Variants in GRAMD1C observed in about 807,000 individuals in gnomAD.
GRAMD1C encodes GRAM domain containing 1C, also known as protein Aster-C.
In GRAMD1C, 89 loss-of-function variants were observed where a neutral mutation model predicts 97.8. The observed-to-expected ratio is 0.91, with a 90% confidence interval of 0.77 to 1.09. The LOEUF is 1.09. Ranked by LOEUF, GRAMD1C falls within the 50% of genes least tolerant of loss-of-function variation. The pLI, the probability that GRAMD1C is intolerant of heterozygous loss-of-function variation, is 0.00. For missense variants in GRAMD1C, 740 were observed against 766.4 expected (o/e 0.97, Z 0.41); for synonymous variants, 256 against 267.0 (o/e 0.96, Z 0.40).
At position 113,905,807 on chromosome 3, in the gene GRAMD1C, T is replaced by C. The variant is rs370539685; in HGVS notation, c.789+1535T>C. The stretch of plus-strand genomic sequence containing the variant: ...GCCTCCTGGGTTCAAGCAATTCTTC[T>C]GGCTCAGCCTCCTGAGTAGCTGGGA... On this transcript the variant is annotated intron_variant, in intron 8 of 17. Coordinates refer to ENST00000358160, the MANE Select transcript of GRAMD1C (RefSeq NM_017577.5). 2.6e-5 allele frequency among the ~76,000 whole-genome samples: 4 copies of C among 152,154 alleles called. No individual in the cohort carries two copies. The South Asian group carries it at 8.3e-4, about 32-fold the overall frequency.
intron 6 of GRAMD1C, among the ~76,000 whole-genome samples, chr3:113,884,567 T>C (rs1024492664): frequency 2.0e-5 from 3 of 152,174 alleles, no homozygotes; most frequent in Non-Finnish European, 4.4e-5. Flanking sequence ...GCGCGGTGGC[T>C]CACACCTGTA....
intron 5 of GRAMD1C, among the ~76,000 whole-genome samples, 190 bp downstream of exon 5, chr3:113,876,450 CTTTATAG>C (rs1935036691): frequency 6.6e-6 from 1 of 152,094 alleles, no homozygotes; most frequent in South Asian, 2.1e-4. Context: ...CTTTTTTGTA[CTTTATAG>C]TTTACAGATA....
At chr3:113,865,012 T>C (rs190333222) in intron 2 of GRAMD1C, among the ~76,000 whole-genome samples, 188 of 152,292 alleles carry the variant, frequency 1.2e-3, no homozygotes, top group Non-Finnish European at 1.9e-3. Flanking sequence ...AAAGGAGATT[T>C]ATTTGGCTCA....
At chr3:113,896,468 G>A (rs1415615445) in intron 6 of GRAMD1C, among the ~76,000 whole-genome samples, 2 of 152,072 alleles carry the variant, frequency 1.3e-5, no homozygotes, top group African/African-American at 2.4e-5. Flanking sequence ...GCCCTACATA[G>A]CAGTGGTTTG....
intron 8 of GRAMD1C, among the ~76,000 whole-genome samples, chr3:113,906,995 T>C (rs535010241): frequency 6.6e-6 from 1 of 152,286 alleles, no homozygotes; most frequent in Admixed American, 6.5e-5. Flanking sequence ...CCTGGGTGTG[T>C]AGTAAGCTAT....
chr3:113,886,010 T>A, intron 6 of GRAMD1C: 1 of 1,316,718 alleles, frequency 7.6e-7, no homozygotes. Flanking sequence ...GCCGAAACCT[T>A]CACCAACATC....
chr3:113,872,397 T>C lies in GRAMD1C; in HGVS notation c.259+2806T>C, dbSNP rs536795500. On this transcript the variant is annotated intron_variant, in intron 3 of 17. Transcript: ENST00000358160. Reference sequence around the variant, plus strand: ...CCACTTCATTCTTTTTTTTCTTTTTTTTTTTTTTTTTTTTTGAGATAGAGT... The same window carrying C: ...CCACTTCATTCTTTTTTTTCTTTTTCTTTTTTTTTTTTTTTGAGATAGAGT... Among the ~76,000 whole-genome samples the C allele has an allele frequency of 9.6e-4, 133 of 137,842 alleles. No individual in the cohort carries two copies. The Middle Eastern group carries it at 0.011, about 11-fold the overall frequency. 90.4% of individuals were successfully genotyped at this position (137,842 alleles called of 152,430 possible). A position where few individuals can be genotyped will look rare whatever the true frequency, so the allele number is the denominator to read the frequency against.
At chr3:113,845,126 G>A (rs941807180) in intron 2 of GRAMD1C, among the ~76,000 whole-genome samples, 10 of 152,158 alleles carry the variant, frequency 6.6e-5, no homozygotes, top group African/African-American at 1.7e-4. Context: ...GTGTTCATTC[G>A]GTTGTGTAAT....
intron 13 of GRAMD1C, among the ~76,000 whole-genome samples, 199 bp downstream of exon 13, chr3:113,934,734 C>A (rs2107373093): frequency 6.6e-6 from 1 of 152,170 alleles, no homozygotes; most frequent in Middle Eastern, 3.4e-3. Context: ...CAAACAAACA[C>A]TTATTTTTTT....
chr3:113,920,517 T>G (rs560444886), intron 10 of GRAMD1C, among the ~76,000 whole-genome samples: 70 of 152,242 alleles, frequency 4.6e-4, no homozygotes, highest in African/African-American at 1.6e-3. Context: ...GTGAGAAAAA[T>G]AAATAAAATT....
intron 3 of GRAMD1C, among the ~76,000 whole-genome samples, chr3:113,872,391 CTTTTTTTTT>C (rs777339692): frequency 8.5e-6 from 1 of 117,440 alleles, no homozygotes; most frequent in Admixed American, 8.5e-5. Context: ...TCTTTTTTTT[CTTTTTTTTT>C]TTTTTTTTTT....
chr3:113,931,213 A>T (rs115532129), intron 11 of GRAMD1C, among the ~76,000 whole-genome samples: 92 of 152,318 alleles, frequency 6.0e-4, no homozygotes, highest in African/African-American at 2.1e-3. Context: ...TTTAGAAGTC[A>T]TCTAGCTGGG....
At chr3:113,837,626 C>T (rs1378087984), upstream of GRAMD1C, among the ~76,000 whole-genome samples, 3 of 152,266 alleles carry the variant, frequency 2.0e-5, no homozygotes, top group East Asian at 1.9e-4. Context: ...GTGGCTTGCA[C>T]GTGTAATCCC....
In GRAMD1C at chr3:113,934,468, G is replaced by C; in HGVS notation, c.1389G>C (p.Trp463Cys). ...ATTTGAAATACAGAAAACAGCCATG[G>C]GGCCTTGTCAAATCTTTAATTGAAA... is the stretch of plus-strand genomic sequence containing the variant. ...STDLKYRKQP[W>C]GLVKSLIEKN... The change falls in exon 13 of 18, where the codon TGG (tryptophan) becomes TGC (cysteine). Residue 463 changes from tryptophan (W) to cysteine (C), a missense_variant. Coordinates refer to ENST00000358160, the MANE Select transcript of GRAMD1C (RefSeq NM_017577.5). 6.3e-7 allele frequency: 1 copy of C among 1,579,956 alleles called. No homozygotes were observed. Among genetic ancestry groups the C allele is most frequent in the Non-Finnish European group, 8.7e-7 (1 of 1,154,974 alleles).
At chr3:113,833,647 A>C (rs1186823820) in intron 1 of GRAMD1C, among the ~76,000 whole-genome samples, 1 of 152,196 alleles carries the variant, frequency 6.6e-6, no homozygotes, top group African/African-American at 2.4e-5. Context: ...TGATACTACG[A>C]ATCAGTACCA....
chr3:113,829,032 C>G (rs1037005875), intron 1 of GRAMD1C, among the ~76,000 whole-genome samples: 1 of 152,132 alleles, frequency 6.6e-6, no homozygotes, highest in African/African-American at 2.4e-5. Context: ...TGCTTCTTAA[C>G]CCTGCTTGGA....
chr3:113,935,085 A>G (rs114097478), intron 13 of GRAMD1C, among the ~76,000 whole-genome samples: 3 of 152,206 alleles, frequency 2.0e-5, no homozygotes, highest in Admixed American at 6.5e-5. Context: ...CCAGACATAC[A>G]TAATAAAGTT....
intron 2 of GRAMD1C, among the ~76,000 whole-genome samples, chr3:113,862,404 T>C (rs1007928948): frequency 6.6e-6 from 1 of 152,230 alleles, no homozygotes; most frequent in Non-Finnish European, 1.5e-5. Context: ...GCGATATTTC[T>C]CCCATTTGCT....
intron 2 of GRAMD1C, among the ~76,000 whole-genome samples, chr3:113,854,202 T>G (rs1577128527): frequency 6.6e-6 from 1 of 151,946 alleles, no homozygotes; most frequent in Non-Finnish European, 1.5e-5. Flanking sequence ...AAAGGTCAGG[T>G]GGGCTATTGA....
Sources: allele counts gnomAD v4.1 joint callset (sites outside exome capture counted in the v4.1 genomes callset), GRCh38; gene constraint gnomAD v4.1.1; transcripts MANE v1.5; gene names NCBI Gene and HGNC (gene_info 2026-07-23, HGNC 2026-07-21).